Variants in CD226 observed in about 807,000 individuals in gnomAD.
The protein encoded by CD226 is CD226 antigen.
A neutral mutation model predicts 34.9 loss-of-function variants in CD226; 24 were observed. The observed-to-expected ratio is 0.69, with a 90% confidence interval of 0.50 to 0.97. CD226 has a LOEUF of 0.97. Ranked by LOEUF, CD226 falls within the 50% of genes least tolerant of loss-of-function variation. The pLI is 0.00. For synonymous variants in CD226, 148 were observed against 147.4 expected (o/e 1.00, Z -0.03); for missense variants, 397 against 412.7 (o/e 0.96, Z 0.33).
At chr18:69,946,362 G>C (rs769467762) in intron 2 of CD226, among the ~76,000 whole-genome samples, 1 of 151,972 alleles carries the variant, frequency 6.6e-6, no homozygotes, top group Non-Finnish European at 1.5e-5. Context: ...GTGGGTGCTG[G>C]AGTGTCCAGC....
At chr18:69,934,400 G>C (rs1823778) in intron 2 of CD226, among the ~76,000 whole-genome samples, 104,160 of 152,006 alleles carry the variant, frequency 0.69, 42,003 homozygotes, top group East Asian at 0.91. Context: ...ATTGGAACAA[G>C]TATGTTCTTA....
At chr18:69,925,598 C>A (rs1033104308) in intron 2 of CD226, among the ~76,000 whole-genome samples, 1 of 152,046 alleles carries the variant, frequency 6.6e-6, no homozygotes, top group Non-Finnish European at 1.5e-5. Flanking sequence ...TGCTGGATCC[C>A]GTCAACTCTA....
chr18:69,921,624 C>T (rs1170835876), intron 2 of CD226, among the ~76,000 whole-genome samples: 5 of 152,176 alleles, frequency 3.3e-5, no homozygotes, highest in Non-Finnish European at 7.3e-5. Context: ...TGTGGGAAGA[C>T]CCATGAGGCC....
At chr18:69,948,958 G>A (rs2055823336), upstream of CD226, among the ~76,000 whole-genome samples, 1 of 152,160 alleles carries the variant, frequency 6.6e-6, no homozygotes, top group African/African-American at 2.4e-5. Flanking sequence ...AAGCCAGAGA[G>A]AACAAATCAT....
In CD226 at chr18:69,855,845, T is replaced by A. The variant is rs1198671827; in HGVS notation, c.*8469A>T. ...CACTTAAATTTGAATAATCTAAATG[T>A]ACCAATTAGAAGTGGTGGGTTTAAA... On this transcript the variant is annotated 3_prime_UTR_variant, in exon 6 of 6. Coordinates refer to ENST00000582621, the MANE Select transcript of CD226 (RefSeq NM_001303618.2). 1 of 152,172 alleles carries A rather than the reference T, an allele frequency of 6.6e-6. No individual in the cohort carries two copies. The highest frequency in any genetic ancestry group is 6.5e-5 in the Admixed American group (1 of 15,284). The allele number at this position is 152,172 out of a possible 1,614,324, so 9.4% of individuals were successfully genotyped here. A position where few individuals can be genotyped will look rare whatever the true frequency, so the allele number is the denominator to read the frequency against.
upstream of CD226, among the ~76,000 whole-genome samples, chr18:69,958,666 G>A (rs1415797609): frequency 6.6e-6 from 1 of 151,886 alleles, no homozygotes; most frequent in African/African-American, 2.4e-5. Context: ...ATACCTACAG[G>A]GACCTAGCTT....
chr18:69,943,740 C>CA (rs1172286217), intron 2 of CD226, among the ~76,000 whole-genome samples: 6 of 152,166 alleles, frequency 3.9e-5, no homozygotes, highest in African/African-American at 1.4e-4. Flanking sequence ...TACTAGACCT[C>CA]ACTGCACTTC....
intron 2 of CD226, among the ~76,000 whole-genome samples, chr18:69,944,731 C>T (rs1235367881): frequency 6.6e-6 from 1 of 152,238 alleles, no homozygotes. Flanking sequence ...ACTTCGCCTG[C>T]CTGACTGATT....
intron 1 of CD226, 57 bp from the exon 2 acceptor site, chr18:69,947,126 A>G (rs961179756): frequency 4.2e-6 from 6 of 1,423,978 alleles, no homozygotes; most frequent in Admixed American, 3.6e-5. Flanking sequence ...CACCAAATCA[A>G]TATCTTAAGC....
chr18:69,891,882 A>G (rs895286196), intron 3 of CD226, among the ~76,000 whole-genome samples: 3 of 152,252 alleles, frequency 2.0e-5, no homozygotes, highest in African/African-American at 7.2e-5. Context: ...GCTTTGCTTG[A>G]CAATTATATG....
At chr18:69,934,118 T>C (rs889381175) in intron 2 of CD226, among the ~76,000 whole-genome samples, 1 of 152,218 alleles carries the variant, frequency 6.6e-6, no homozygotes, top group African/African-American at 2.4e-5. Context: ...CTTTGGCTGT[T>C]TCTCACATGA....
At chr18:69,923,614 C>G (rs1047291430) in intron 2 of CD226, among the ~76,000 whole-genome samples, 2 of 152,128 alleles carry the variant, frequency 1.3e-5, no homozygotes, top group Admixed American at 1.3e-4. Context: ...AAAGTGACAA[C>G]CTCGATAGAA....
chr18:69,865,830 TCCACTGCGAATAGTTAA>T (rs1229432680), intron 5 of CD226, among the ~76,000 whole-genome samples: 1 of 152,230 alleles, frequency 6.6e-6, no homozygotes, highest in Non-Finnish European at 1.5e-5. Context: ...CATGTAGAAT[TCCACTGCGAATAGTTAA>T]AATGAAAAGA....
chr18:69,942,613 T>C (rs1177305218), intron 2 of CD226, among the ~76,000 whole-genome samples: 1 of 152,196 alleles, frequency 6.6e-6, no homozygotes, highest in African/African-American at 2.4e-5. Flanking sequence ...GTACTAAAGC[T>C]TTTCCTGAAA....
chr18:69,958,156 T>A (rs1202442283), upstream of CD226, among the ~76,000 whole-genome samples: 1 of 152,164 alleles, frequency 6.6e-6, no homozygotes, highest in African/African-American at 2.4e-5. Flanking sequence ...CTCACTGAAA[T>A]ACTTGCCACA....
rs147758547 is a variant in CD226, at chr18:69,940,838, C to T, written c.382+5896G>A. ...AGGAGCCAAATGTAAATCACCAAGA[C>T]AATGGGGAAAATGTCTCCAAGGCAT... On this transcript the variant is annotated intron_variant, in intron 2 of 5. Transcript: ENST00000582621. Among the ~76,000 whole-genome samples the T allele has an allele frequency of 1.9e-4, 29 of 152,290 alleles. No individual in the cohort carries two copies. In the East Asian group the frequency reaches 5.4e-3, roughly 28 times the overall value.
chr18:69,861,554 G>GTCTATATATATATATATATATATATATA lies in CD226; in HGVS notation c.*2759_*2760insTATATATATATATATATATATATATAGA, dbSNP rs59216052. On this transcript the variant is annotated 3_prime_UTR_variant, in exon 6 of 6. Coordinates refer to ENST00000582621, the MANE Select transcript of CD226 (RefSeq NM_001303618.2). Reference sequence around the variant, plus strand: ...ATAAATTATATGTGTATATATATATGTATATATATATATATATATGTAAAA... The same window carrying GTCTATATATATATATATATATATATATA: ...ATAAATTATATGTGTATATATATATGTCTATATATATATATATATATATATATATATATATATATATATATATGTAAAA... The GTCTATATATATATATATATATATATATA allele has an allele frequency of 7.8e-6, 1 of 127,948 alleles. No homozygotes were observed. Among genetic ancestry groups the GTCTATATATATATATATATATATATATA allele is most frequent in the African/African-American group, 2.8e-5 (1 of 36,322 alleles). 7.9% of individuals were successfully genotyped at this position (127,948 alleles called of 1,614,324 possible).
At chr18:69,950,483 G>C (rs1368596314), upstream of CD226, among the ~76,000 whole-genome samples, 2 of 152,174 alleles carry the variant, frequency 1.3e-5, no homozygotes, top group African/African-American at 4.8e-5. Context: ...GGAGAGAATG[G>C]CTGGGGCTGC....
intron 1 of CD226, among the ~76,000 whole-genome samples, chr18:69,953,800 A>G (rs959037424): frequency 1.3e-5 from 2 of 152,114 alleles, no homozygotes; most frequent in East Asian, 1.9e-4. Context: ...AGGAATTCAA[A>G]ACCAGCCTGG....
Sources: gnomAD v4.1 joint callset for allele counts (sites outside exome capture counted in the v4.1 genomes callset) on GRCh38, gnomAD v4.1.1 for gene constraint, MANE v1.5 for transcripts, NCBI Gene and HGNC (gene_info 2026-07-23, HGNC 2026-07-21) for gene names.